SLC25A13: variants seen among roughly 807,000 people sequenced by gnomAD.
SLC25A13 encodes electrogenic aspartate/glutamate antiporter SLC25A13, mitochondrial.
A neutral mutation model predicts 85.5 loss-of-function variants in SLC25A13; 70 were observed. The ratio of observed to expected loss-of-function variants is 0.82; its 90% CI spans 0.68 to 1.00. SLC25A13 has a LOEUF of 1.00. SLC25A13 is among the 50% of genes least tolerant of loss of function. The pLI is 0.00. For missense variants in SLC25A13, 765 were observed against 819.8 expected (o/e 0.93, Z 0.82); for synonymous variants, 259 against 288.7 (o/e 0.90, Z 1.04).
At chr7:96,136,408 C>T (rs1792289278) in intron 14 of SLC25A13, among the ~76,000 whole-genome samples, 1 of 152,180 alleles carries the variant, frequency 6.6e-6, no homozygotes, top group South Asian at 2.1e-4. Context: ...CTAGGATCGT[C>T]CACTCAAGTT....
At chr7:96,256,590 A>C (rs1333263280) in intron 3 of SLC25A13, among the ~76,000 whole-genome samples, 1 of 152,168 alleles carries the variant, frequency 6.6e-6, no homozygotes, top group Non-Finnish European at 1.5e-5. Context: ...AGACCTACAA[A>C]GAGACTCAGA....
At chr7:96,273,836 T>A (rs1361949866) in intron 3 of SLC25A13, among the ~76,000 whole-genome samples, 1 of 152,224 alleles carries the variant, frequency 6.6e-6, no homozygotes, top group Non-Finnish European at 1.5e-5. Flanking sequence ...TCACACTTCC[T>A]CTGAAACATG....
rs766077420 is a variant in SLC25A13, at chr7:96,146,668, T to C, written c.1340A>G (p.Asn447Ser). 6.8e-6 allele frequency: 11 copies of C among 1,614,108 alleles called. No individual in the cohort carries two copies. Among genetic ancestry groups the C allele is most frequent in the Non-Finnish European group, 9.3e-6 (11 of 1,180,008 alleles). The change falls in exon 14 of 18, where the codon AAT (asparagine) becomes AGT (serine). Residue 447 changes from asparagine to serine, a missense_variant. Asn to Ser is a conservative substitution (Grantham distance 46). Transcript: ENST00000265631. Reference protein sequence around the residue: ...CAGGSQVIFTNPLEIVKIRLQ... With the variant: ...CAGGSQVIFTSPLEIVKIRLQ... ...ACGGATCTTGACGATTTCTAAAGGA[T>C]TTGTGAAAATCACCTGGGAGCCTCC...
chr7:96,240,991 G>C (rs1381813665), intron 3 of SLC25A13, among the ~76,000 whole-genome samples: 2 of 98,728 alleles, frequency 2.0e-5, no homozygotes, highest in African/African-American at 3.9e-5. Flanking sequence ...GAGGGGAGGG[G>C]AGGGGAGGGG....
intron 4 of SLC25A13, among the ~76,000 whole-genome samples, chr7:96,227,947 C>A (rs1796382416): frequency 6.6e-6 from 1 of 152,156 alleles, no homozygotes; most frequent in African/African-American, 2.4e-5. Flanking sequence ...TCACTGTAAC[C>A]TTTGCCTCCT....
At chr7:96,245,046 G>A (rs891829456) in intron 3 of SLC25A13, among the ~76,000 whole-genome samples, 29 of 151,986 alleles carry the variant, frequency 1.9e-4, no homozygotes, top group African/African-American at 6.3e-4. Context: ...GCAGCCCATC[G>A]CCTTGCAGCT....
intron 14 of SLC25A13, among the ~76,000 whole-genome samples, chr7:96,133,473 T>C (rs1200056308): frequency 6.6e-6 from 1 of 152,156 alleles, no homozygotes; most frequent in South Asian, 2.1e-4. Flanking sequence ...ACCCTGGAGG[T>C]AGTTCCAGAG....
intron 1 of SLC25A13, among the ~76,000 whole-genome samples, chr7:96,299,037 AC>A (rs1333071059): frequency 6.6e-6 from 1 of 152,188 alleles, no homozygotes; most frequent in Non-Finnish European, 1.5e-5. Context: ...AGCATATGGT[AC>A]CCTAAGTTCT....
intron 13 of SLC25A13, among the ~76,000 whole-genome samples, chr7:96,158,993 TAGC>T (rs1326907200): frequency 1.3e-5 from 2 of 152,194 alleles, no homozygotes; most frequent in Admixed American, 1.3e-4. Flanking sequence ...ATTCAGCAAA[TAGC>T]AGTGGATGGA....
chr7:96,231,284 C>T (rs1026437935), intron 4 of SLC25A13, among the ~76,000 whole-genome samples: 1 of 152,134 alleles, frequency 6.6e-6, no homozygotes, highest in Non-Finnish European at 1.5e-5. Flanking sequence ...GGGCATTCTG[C>T]ACAGCAAAAG....
At position 96,300,153 on chromosome 7, in the gene SLC25A13, T is replaced by C. The variant is rs374847329; in HGVS notation, c.16-3202A>G. 1.4e-4 allele frequency among the ~76,000 whole-genome samples: 22 copies of C among 152,314 alleles called. No homozygotes were observed. In the South Asian group the frequency reaches 3.5e-3, roughly 24 times the overall value. On this transcript the variant is annotated intron_variant, in intron 1 of 17. Coordinates refer to ENST00000265631, the MANE Select transcript of SLC25A13 (RefSeq NM_014251.3). ...TTACAGGAATGGTGGCTCATACCTATAATCCCAGCACTTTGGGAGGCCAAG... is the reference window on the plus strand; with the variant it reads ...TTACAGGAATGGTGGCTCATACCTACAATCCCAGCACTTTGGGAGGCCAAG...
intron 2 of SLC25A13, chr7:96,283,735 G>T: frequency 4.1e-6 from 1 of 242,252 alleles, no homozygotes; most frequent in South Asian, 5.4e-5. Context: ...GCTCCACGCA[G>T]AGAAGCACAC....
At chr7:96,244,057 T>TC (rs1338340617) in intron 3 of SLC25A13, among the ~76,000 whole-genome samples, 1 of 152,014 alleles carries the variant, frequency 6.6e-6, no homozygotes, top group Non-Finnish European at 1.5e-5. Flanking sequence ...TAAACCTGGG[T>TC]CGTAGCAAGA....
At chr7:96,213,275 T>A (rs1156271341) in intron 4 of SLC25A13, among the ~76,000 whole-genome samples, 1 of 152,226 alleles carries the variant, frequency 6.6e-6, no homozygotes, top group Admixed American at 6.5e-5. Flanking sequence ...GACATTATAA[T>A]ACCACGTCAG....
At chr7:96,320,256 C>T (rs553765292) in intron 1 of SLC25A13, among the ~76,000 whole-genome samples, 2 of 152,308 alleles carry the variant, frequency 1.3e-5, no homozygotes, top group South Asian at 4.1e-4. Flanking sequence ...ACCCGCCCGC[C>T]CCAGCCTCCC....
chr7:96,233,784 G>A (rs1473549713), intron 4 of SLC25A13, among the ~76,000 whole-genome samples: 2 of 152,120 alleles, frequency 1.3e-5, no homozygotes, highest in Non-Finnish European at 2.9e-5. Flanking sequence ...TCCCATATCT[G>A]TATGTTTTCC....
At chr7:96,197,596 G>A (rs1795109649) in intron 5 of SLC25A13, among the ~76,000 whole-genome samples, 1 of 152,114 alleles carries the variant, frequency 6.6e-6, no homozygotes, top group Non-Finnish European at 1.5e-5. Flanking sequence ...CAAAGCTCCT[G>A]GTTTGCACCT....
intron 11 of SLC25A13, 64 bp from the exon 12 acceptor site, chr7:96,171,588 T>G: frequency 7.1e-7 from 1 of 1,404,106 alleles, no homozygotes; most frequent in Non-Finnish European, 1.0e-6. Flanking sequence ...AAATCAACAG[T>G]TCTACAGAGG....
At chr7:96,141,411 G>A (rs1792556804) in intron 14 of SLC25A13, among the ~76,000 whole-genome samples, 1 of 152,182 alleles carries the variant, frequency 6.6e-6, no homozygotes, top group Admixed American at 6.5e-5. Context: ...CTAAAGGCTG[G>A]AACAGTGCCT....
Sources: gnomAD v4.1 joint callset for allele counts (sites outside exome capture counted in the v4.1 genomes callset) on GRCh38, gnomAD v4.1.1 for gene constraint, MANE v1.5 for transcripts, NCBI Gene and HGNC (gene_info 2026-07-23, HGNC 2026-07-21) for gene names.